The following LRRC20 variants were observed in gnomAD, a reference collection of about 807,000 sequenced individuals.
The protein encoded by LRRC20 is leucine rich repeat containing 20.
LRRC20 carries 11 observed loss-of-function variants against 14.4 expected under a neutral mutation model. That is an observed-to-expected ratio of 0.77 (90% CI 0.48 to 1.27). The LOEUF is 1.27. LRRC20 is among the 50% of genes most tolerant of loss of function. The pLI is 0.00. For missense variants in LRRC20, 219 were observed against 251.2 expected, an observed-to-expected ratio of 0.87 and a Z score of 0.87; for synonymous variants, 121 against 107.3, an observed-to-expected ratio of 1.13 and a Z score of -0.79.
At chr10:70,360,912 A>G (rs1438860538) in intron 2 of LRRC20, among the ~76,000 whole-genome samples, 3 of 152,096 alleles carry the variant, frequency 2.0e-5, no homozygotes, top group African/African-American at 7.2e-5. Flanking sequence ...AACTGTCATA[A>G]TGGCACACGC....
At chr10:70,357,822 C>T (rs140498176) in intron 2 of LRRC20, among the ~76,000 whole-genome samples, 6 of 152,256 alleles carry the variant, frequency 3.9e-5, no homozygotes, top group African/African-American at 1.4e-4. Flanking sequence ...CGTATACATA[C>T]AAAAGGGAAT....
chr10:70,318,100 G>A (rs1302110254), intron 4 of LRRC20, among the ~76,000 whole-genome samples: 1 of 152,206 alleles, frequency 6.6e-6, no homozygotes, highest in Non-Finnish European at 1.5e-5. Context: ...GAAACCTAAG[G>A]TTCTGCATTT....
chr10:70,328,541 C>G (rs531473262), intron 3 of LRRC20, among the ~76,000 whole-genome samples: 1 of 152,198 alleles, frequency 6.6e-6, no homozygotes, highest in South Asian at 2.1e-4. Flanking sequence ...AGGTGATACA[C>G]CCGCCTCGGC....
At chr10:70,304,125 C>T (rs1025669516) in intron 4 of LRRC20, among the ~76,000 whole-genome samples, 7 of 152,068 alleles carry the variant, frequency 4.6e-5, no homozygotes, top group Admixed American at 4.6e-4. Flanking sequence ...ACTCAGACAA[C>T]ACTAGGACGC....
rs1841166025 is a variant in LRRC20, at chr10:70,301,246, C to T, written c.*108G>A. 2.1e-6 allele frequency: 3 copies of T among 1,463,078 alleles called. No homozygotes were observed. Among genetic ancestry groups the T allele is most frequent in the Admixed American group, 4.7e-5 (2 of 42,112 alleles). 90.6% of individuals were successfully genotyped at this position (1,463,078 alleles called of 1,614,324 possible). On this transcript the variant is annotated 3_prime_UTR_variant, in exon 5 of 5. Coordinates refer to ENST00000446961, the MANE Select transcript of LRRC20 (RefSeq NM_001278212.2). ...ACCCCACCCACCACGTGCTGCTCGG[C>T]CCACCCGCCCCCAGCCCCCAGGCTT... is the stretch of plus-strand genomic sequence containing the variant.
chr10:70,372,655 G>A (rs964359112), intron 2 of LRRC20, among the ~76,000 whole-genome samples: 15 of 151,828 alleles, frequency 9.9e-5, no homozygotes, highest in Admixed American at 4.6e-4. Flanking sequence ...TGTTAGCCAG[G>A]ATGGTTTCGA....
chr10:70,334,985 C>T (rs1842672101), intron 3 of LRRC20, among the ~76,000 whole-genome samples: 1 of 152,170 alleles, frequency 6.6e-6, no homozygotes, highest in Non-Finnish European at 1.5e-5. Context: ...GCCAGGAGCC[C>T]TCTGCAGACA....
chr10:70,308,887 A>T (rs931163193), intron 4 of LRRC20, among the ~76,000 whole-genome samples: 3 of 152,200 alleles, frequency 2.0e-5, no homozygotes, highest in African/African-American at 7.2e-5. Context: ...GTCATACCAC[A>T]CAGCTGCCAG....
At chr10:70,379,849 G>T (rs1411138989) in intron 1 of LRRC20, among the ~76,000 whole-genome samples, 1 of 152,180 alleles carries the variant, frequency 6.6e-6, no homozygotes, top group Non-Finnish European at 1.5e-5. Context: ...CCACTGTAGT[G>T]GGAGAGGAAT....
chr10:70,335,846 C>G (rs1393634335), intron 3 of LRRC20, among the ~76,000 whole-genome samples: 2 of 152,214 alleles, frequency 1.3e-5, no homozygotes, highest in South Asian at 2.1e-4. Context: ...ACCTGGTAAA[C>G]TCCTACTTAT....
chr10:70,381,213 GAAGTAA>G (rs1844694293), intron 1 of LRRC20, among the ~76,000 whole-genome samples: 1 of 152,240 alleles, frequency 6.6e-6, no homozygotes, highest in Admixed American at 6.5e-5. Flanking sequence ...ATTATTGTGG[GAAGTAA>G]CTGATATGTA....
intron 2 of LRRC20, among the ~76,000 whole-genome samples, chr10:70,351,400 G>A (rs1843304060): frequency 6.6e-6 from 1 of 152,130 alleles, no homozygotes; most frequent in Admixed American, 6.5e-5. Context: ...TGAGGTCATA[G>A]AGTTCTCCTT....
chr10:70,326,392 T>C (rs533980692), intron 3 of LRRC20, among the ~76,000 whole-genome samples: 1 of 151,994 alleles, frequency 6.6e-6, no homozygotes, highest in South Asian at 2.1e-4. Context: ...CTGGGGTTCT[T>C]GGGAGGAACT....
At chr10:70,318,806 G>GTTTTTGT (rs1554837408) in intron 4 of LRRC20, among the ~76,000 whole-genome samples, 5 of 151,544 alleles carry the variant, frequency 3.3e-5, no homozygotes, top group Admixed American at 1.3e-4. Context: ...TTTTTTGTTT[G>GTTTTTGT]TTTTTGTTTT....
At chr10:70,303,110 T>C (rs1841278960) in intron 4 of LRRC20, among the ~76,000 whole-genome samples, 1 of 152,174 alleles carries the variant, frequency 6.6e-6, no homozygotes, top group South Asian at 2.1e-4. Flanking sequence ...AACCACCGAA[T>C]TGCATATATT....
chr10:70,372,858 T>A (rs988327507), intron 2 of LRRC20, among the ~76,000 whole-genome samples: 1 of 151,810 alleles, frequency 6.6e-6, no homozygotes, highest in African/African-American at 2.4e-5. Context: ...ATCCCAGCAC[T>A]TTAGGAGGCT....
chr10:70,311,018 T>C (rs1841634201), intron 4 of LRRC20, among the ~76,000 whole-genome samples: 1 of 152,228 alleles, frequency 6.6e-6, no homozygotes, highest in African/African-American at 2.4e-5. Context: ...TGTGTATGTG[T>C]GTATATACAC....
intron 2 of LRRC20, among the ~76,000 whole-genome samples, chr10:70,347,635 C>T (rs900872126): frequency 6.6e-6 from 1 of 152,040 alleles, no homozygotes; most frequent in African/African-American, 2.4e-5. Context: ...GCCTAGCCAA[C>T]ATGGTGAAAC....
intron 2 of LRRC20, among the ~76,000 whole-genome samples, chr10:70,375,549 G>A (rs1212332749): frequency 6.6e-6 from 1 of 152,044 alleles, no homozygotes; most frequent in African/African-American, 2.4e-5. Flanking sequence ...GGAAGGAAGC[G>A]CTCCTTTGTG....
Sources: gnomAD v4.1 joint callset for allele counts (sites outside exome capture counted in the v4.1 genomes callset) on GRCh38, gnomAD v4.1.1 for gene constraint, MANE v1.5 for transcripts, NCBI Gene and HGNC (gene_info 2026-07-23, HGNC 2026-07-21) for gene names.